Variants in BMERB1 observed in about 807,000 individuals in gnomAD.
BMERB1 encodes bMERB domain-containing protein 1.
A neutral mutation model predicts 23.6 loss-of-function variants in BMERB1; 12 were observed. That is an observed-to-expected ratio of 0.51 (90% CI 0.33 to 0.82). The LOEUF (loss-of-function observed/expected upper bound fraction) is 0.82, where lower values mean the gene tolerates loss of function less well. Ranked by LOEUF, BMERB1 falls within the 40% of genes least tolerant of loss-of-function variation. The pLI, the probability that BMERB1 is intolerant of heterozygous loss-of-function variation, is 0.03. For synonymous variants in BMERB1, 122 were observed against 96.6 expected (o/e 1.26, Z -1.54); for missense variants, 247 against 255.4 (o/e 0.97, Z 0.22).
intron 1 of BMERB1, among the ~76,000 whole-genome samples, chr16:15,463,404 T>C (rs1419039562): frequency 6.6e-6 from 1 of 152,170 alleles, no homozygotes; most frequent in Non-Finnish European, 1.5e-5. Context: ...TGAAATACGC[T>C]TGAAGGCATC....
At chr16:15,581,808 A>G (rs2031021430) in intron 4 of BMERB1, among the ~76,000 whole-genome samples, 1 of 151,972 alleles carries the variant, frequency 6.6e-6, no homozygotes, top group East Asian at 1.9e-4. Context: ...TGCTGCCTTG[A>G]CCTCGACAAC....
At chr16:15,446,304 A>G (rs2050989287) in intron 1 of BMERB1, among the ~76,000 whole-genome samples, 1 of 152,154 alleles carries the variant, frequency 6.6e-6, no homozygotes, top group Non-Finnish European at 1.5e-5. Context: ...CTGAGGTGGG[A>G]GAATCTCTTG....
chr16:15,478,289 A>C (rs1204914906), intron 1 of BMERB1, among the ~76,000 whole-genome samples: 2 of 151,956 alleles, frequency 1.3e-5, no homozygotes, highest in African/African-American at 4.8e-5. Flanking sequence ...CCTCCCAAGT[A>C]GCTGGGATTT....
chr16:15,570,136 A>G (rs1038005008), intron 3 of BMERB1, among the ~76,000 whole-genome samples: 1 of 152,084 alleles, frequency 6.6e-6, no homozygotes, highest in Non-Finnish European at 1.5e-5. Context: ...AGCACCCACC[A>G]TTACCCTTGA....
chr16:15,463,632 G>T (rs1313742406), intron 1 of BMERB1, among the ~76,000 whole-genome samples: 1 of 152,126 alleles, frequency 6.6e-6, no homozygotes, highest in Admixed American at 6.5e-5. Flanking sequence ...TATTTTCAGT[G>T]TAGCCTTAAC....
intron 1 of BMERB1, among the ~76,000 whole-genome samples, chr16:15,508,238 C>T (rs944581882): frequency 2.0e-5 from 3 of 152,088 alleles, no homozygotes; most frequent in East Asian, 1.9e-4. Context: ...TAGTTATTAT[C>T]GTTACTGGGT....
In BMERB1 at chr16:15,562,245, A is replaced by G. The variant is rs968746241; in HGVS notation, c.231-5738A>G. On this transcript the variant is annotated intron_variant, in intron 2 of 5. Transcript: ENST00000300006. ...TTGAACCCGGGAGGCAAAGGTTGCA[A>G]TGAGCCAAGATCGCGCCATTGCACT... Among the ~76,000 whole-genome samples the G allele has an allele frequency of 3.3e-5, 5 of 151,200 alleles. No homozygotes were observed. The East Asian group carries it at 9.7e-4, about 29-fold the overall frequency.
intron 1 of BMERB1, among the ~76,000 whole-genome samples, chr16:15,451,603 G>A (rs905060889): frequency 1.7e-4 from 24 of 138,998 alleles, no homozygotes; most frequent in African/African-American, 6.2e-4. Flanking sequence ...CTGTTACCGA[G>A]GCCAGAGTGC....
At chr16:15,479,077 C>T (rs920279213) in intron 1 of BMERB1, among the ~76,000 whole-genome samples, 6 of 152,204 alleles carry the variant, frequency 3.9e-5, no homozygotes, top group Non-Finnish European at 7.3e-5. Flanking sequence ...GTCAGACATT[C>T]TCTCAAAAAT....
intron 2 of BMERB1, among the ~76,000 whole-genome samples, chr16:15,526,980 TATA>T (rs1161091732): frequency 6.8e-6 from 1 of 147,732 alleles, no homozygotes; most frequent in Non-Finnish European, 1.5e-5. Context: ...TTATTATTAT[TATA>T]GTATATTTTA....
chr16:15,563,042 C>T (rs1368913596), intron 2 of BMERB1, among the ~76,000 whole-genome samples: 5 of 152,148 alleles, frequency 3.3e-5, no homozygotes, highest in African/African-American at 1.2e-4. Context: ...ATGTCTGTCT[C>T]CTCCAAATCT....
intron 1 of BMERB1, among the ~76,000 whole-genome samples, chr16:15,476,834 C>T (rs1282077707): frequency 6.6e-6 from 1 of 152,152 alleles, no homozygotes; most frequent in Non-Finnish European, 1.5e-5. Flanking sequence ...CCACTCATTC[C>T]CATCTATGTA....
intron 1 of BMERB1, among the ~76,000 whole-genome samples, chr16:15,475,768 C>G (rs771737402): frequency 6.6e-6 from 1 of 152,190 alleles, no homozygotes; most frequent in East Asian, 1.9e-4. Flanking sequence ...GGGAATCAGA[C>G]TGTTACCACC....
intron 1 of BMERB1, among the ~76,000 whole-genome samples, chr16:15,452,339 A>AGG (rs1567451653): frequency 6.2e-4 from 18 of 29,240 alleles, no homozygotes; most frequent in African/African-American, 1.3e-3. Context: ...AGGGAGAGAG[A>AGG]GAGAGAGAGA....
chr16:15,578,426 C>T (rs1372937256), intron 3 of BMERB1, among the ~76,000 whole-genome samples: 2 of 152,026 alleles, frequency 1.3e-5, no homozygotes, highest in Non-Finnish European at 2.9e-5. Context: ...ATAAGTATGA[C>T]CTCATTTTAG....
At position 15,587,868 on chromosome 16, in the gene BMERB1, T is replaced by G. The variant is rs1254880984; in HGVS notation, c.*1039T>G. 5.7e-6 allele frequency: 1 copy of G among 175,826 alleles called. No homozygotes were observed. Among genetic ancestry groups the G allele is most frequent in the East Asian group, 1.7e-4 (1 of 5,766 alleles). The allele number at this position is 175,826 out of a possible 1,614,324, so 10.9% of individuals were successfully genotyped here. A position where few individuals can be genotyped will look rare whatever the true frequency, so the allele number is the denominator to read the frequency against. On this transcript the variant is annotated 3_prime_UTR_variant, in exon 6 of 6. Transcript: ENST00000300006. ...CCTGTGTGACTTCTCTGTATGTGTG[T>G]GTGTGTCGTGACCAGCCTAAGTAGT...
Position 15,586,723 on chromosome 16 carries a change from G to C in BMERB1, c.509G>C (p.Arg170Pro). 1 of 1,609,094 alleles carries C rather than the reference G, an allele frequency of 6.2e-7. No individual in the cohort carries two copies. Among genetic ancestry groups the C allele is most frequent in the Non-Finnish European group, 8.5e-7 (1 of 1,178,192 alleles). The change falls in exon 6 of 6, where the codon CGG becomes CCG. Residue 170 changes from arginine (R) to proline (P), a missense_variant. Coordinates refer to ENST00000300006, the MANE Select transcript of BMERB1 (RefSeq NM_033201.3). ...DKVTKSPASS[R>P]AEKKAEPPPS... is the part of the protein sequence containing the mutation. ...TGCCCACATCTTGCTGCAGGCTCCC[G>C]GGCAGAGAAGAAAGCAGAGCCCCCA...
At chr16:15,508,024 T>A (rs1049170977) in intron 1 of BMERB1, among the ~76,000 whole-genome samples, 5 of 152,204 alleles carry the variant, frequency 3.3e-5, no homozygotes, top group Non-Finnish European at 5.9e-5. Context: ...AGGTAGTTCT[T>A]ACATGAATAT....
intron 2 of BMERB1, among the ~76,000 whole-genome samples, chr16:15,534,549 G>A (rs1428977802): frequency 1.3e-5 from 2 of 151,852 alleles, no homozygotes; most frequent in South Asian, 2.1e-4. Flanking sequence ...GTGAGACTCT[G>A]TCTTAAAAAA....
Sources: allele counts gnomAD v4.1 joint callset (sites outside exome capture counted in the v4.1 genomes callset), GRCh38; gene constraint gnomAD v4.1.1; transcripts MANE v1.5; gene names NCBI Gene and HGNC (gene_info 2026-07-23, HGNC 2026-07-21).